SNX25: variants seen among roughly 807,000 people sequenced by gnomAD.
SNX25 encodes sorting nexin-25.
A neutral mutation model predicts 113.7 loss-of-function variants in SNX25; 62 were observed. The ratio of observed to expected loss-of-function variants is 0.55; its 90% confidence interval spans 0.44 to 0.67. SNX25 has a LOEUF of 0.67. Ranked by LOEUF, SNX25 falls within the 30% of genes least tolerant of loss-of-function variation. SNX25 has a pLI of 0.00. For missense variants in SNX25, 1,014 were observed against 1,161.0 expected (o/e 0.87, Z 1.84); for synonymous variants, 421 against 436.2 (o/e 0.97, Z 0.43).
chr4:185,324,625 A>G (rs1467310509), intron 9 of SNX25, among the ~76,000 whole-genome samples: 1 of 151,970 alleles, frequency 6.6e-6, no homozygotes, highest in African/African-American at 2.4e-5. Context: ...GGAGGGATTT[A>G]TCTTAGGGTT....
intron 1 of SNX25, among the ~76,000 whole-genome samples, chr4:185,237,924 G>A (rs912997413): frequency 3.3e-5 from 5 of 151,562 alleles, no homozygotes; most frequent in African/African-American, 4.9e-5. Flanking sequence ...TTAGCCGGGC[G>A]TGGTGGCACG....
chr4:185,235,844 C>A (rs1275289750), intron 1 of SNX25, among the ~76,000 whole-genome samples: 1 of 152,186 alleles, frequency 6.6e-6, no homozygotes, highest in East Asian at 1.9e-4. Flanking sequence ...GTCCTGCAGA[C>A]CCTGGCTGAG....
chr4:185,222,507 A>T, intron 1 of SNX25, among the ~76,000 whole-genome samples: 1 of 151,398 alleles, frequency 6.6e-6, no homozygotes, highest in Non-Finnish European at 1.5e-5. Flanking sequence ...AGCGCCGTAT[A>T]CCCCTCCCTC....
At position 185,267,054 on chromosome 4, in the gene SNX25, G is replaced by T. The variant is rs527841478; in HGVS notation, c.990G>T (p.Met330Ile). The part of the protein sequence containing the change: ...LLAQLAYREQ[M>I]NEHHKRAYTY... The stretch of plus-strand genomic sequence containing the variant: ...CCCAGCTGGCGTACAGAGAGCAAAT[G>T]AATGAGCATCACAAGAGAGCCTACA... Residue 330 changes from methionine to isoleucine, a missense_variant, in exon 5 of 19, where the codon ATG becomes ATT. Met to Ile is a conservative substitution (Grantham distance 10). Coordinates refer to ENST00000652585, the MANE Select transcript of SNX25 (RefSeq NM_001378034.2). 1 of 1,613,860 alleles carries T rather than the reference G, an allele frequency of 6.2e-7. No homozygotes were observed.
Position 185,342,020 on chromosome 4 carries a change from G to A in SNX25, c.2091G>A (p.Met697Ile). The change falls in exon 12 of 19, where the codon ATG becomes ATA. Residue 697 changes from methionine (M) to isoleucine (I), a missense_variant. Physicochemically the swap from Met to Ile is conservative, Grantham distance 10. Coordinates refer to ENST00000652585, the MANE Select transcript of SNX25 (RefSeq NM_001378034.2). ...NGEQLPCYFV[M>I]VSLQEVGGVE... ...AGCAATTGCCATGTTACTTTGTCAT[G>A]GTAAGCCTACAAGAAGTTGGAGGAG... 2 of 1,610,704 alleles carry A rather than the reference G, an allele frequency of 1.2e-6. No homozygotes were observed. Among genetic ancestry groups the A allele is most frequent in the Non-Finnish European group, 1.7e-6 (2 of 1,178,676 alleles).
intron 1 of SNX25, among the ~76,000 whole-genome samples, chr4:185,221,247 G>C (rs1739795894): frequency 6.6e-6 from 1 of 151,942 alleles, no homozygotes; most frequent in South Asian, 2.1e-4. Context: ...TGCCCAGCCT[G>C]GTCTTGAACT....
intron 13 of SNX25, among the ~76,000 whole-genome samples, chr4:185,348,158 T>G (rs1333426852): frequency 6.6e-6 from 1 of 152,208 alleles, no homozygotes; most frequent in Admixed American, 6.5e-5. Flanking sequence ...TGCTGCACCA[T>G]CTATATTCAG....
intron 13 of SNX25, among the ~76,000 whole-genome samples, chr4:185,348,808 C>T (rs2095301002): frequency 6.6e-6 from 1 of 152,122 alleles, no homozygotes; most frequent in Non-Finnish European, 1.5e-5. Context: ...AACAGAACAC[C>T]AGAACTTTTT....
chr4:185,339,600 G>A, intron 11 of SNX25, 90 bp downstream of exon 11: 3 of 1,465,600 alleles, frequency 2.0e-6, no homozygotes, highest in South Asian at 1.3e-5. Flanking sequence ...ATTGAGGGTA[G>A]AAAACTTACA....
At chr4:185,214,421 A>C (rs2111484466) in intron 1 of SNX25, among the ~76,000 whole-genome samples, 1 of 151,584 alleles carries the variant, frequency 6.6e-6, no homozygotes, top group East Asian at 1.9e-4. Context: ...AAGAAAAAAA[A>C]TATTAGCTGG....
At chr4:185,375,494 A>ATATATATG in the SNX25 span, 2 of 58,546 alleles carry the variant, frequency 3.4e-5, no homozygotes, top group Non-Finnish European at 5.5e-5. Context: ...AAAAATATAT[A>ATATATATG]TATATATATA....
intron 1 of SNX25, among the ~76,000 whole-genome samples, chr4:185,224,567 AAG>A: frequency 2.6e-5 from 3 of 117,106 alleles, no homozygotes; most frequent in Non-Finnish European, 5.9e-5. Flanking sequence ...AAATATATAT[AAG>A]TGTATATAAA....
At chr4:185,346,398 A>G (rs1469499113) in intron 12 of SNX25, 139 bp from the exon 13 acceptor site, 2 of 639,784 alleles carry the variant, frequency 3.1e-6, no homozygotes, top group East Asian at 3.2e-5. Context: ...TTCGAGCCTC[A>G]TTAAGATGGG....
At position 185,323,614 on chromosome 4, in the gene SNX25, A is replaced by G; in HGVS notation, c.1563A>G (p.Lys521=). The change falls in exon 9 of 19, where the codon AAA becomes AAG. Residue 521 remains lysine (K), a synonymous_variant. Coordinates refer to ENST00000652585, the MANE Select transcript of SNX25 (RefSeq NM_001378034.2). The part of the protein sequence containing the change: ...KEISVEKSLY[K]EIQQCLVGNK... ...TATCTGTGGAAAAATCACTTTACAA[A>G]GAAATTCAGCAGTGTCTTGTAGGAA... 1 of 1,613,624 alleles carries G rather than the reference A, an allele frequency of 6.2e-7. No homozygotes were observed. The highest frequency in any genetic ancestry group is 8.5e-7 in the Non-Finnish European group (1 of 1,179,700).
chr4:185,242,840 T>C (rs1744274855), intron 1 of SNX25, among the ~76,000 whole-genome samples: 1 of 152,142 alleles, frequency 6.6e-6, no homozygotes, highest in Non-Finnish European at 1.5e-5. Context: ...CAAAAGACTG[T>C]AACAAGGGCT....
chr4:185,267,091 T>C lies in SNX25; in HGVS notation c.1027T>C (p.Ser343Pro). The C allele has an allele frequency of 6.2e-7, 1 of 1,613,956 alleles. No homozygotes were observed. Among genetic ancestry groups the C allele is most frequent in the Non-Finnish European group, 8.5e-7 (1 of 1,179,952 alleles). Residue 343 changes from serine to proline, a missense_variant, in exon 5 of 19, where the codon TCT becomes CCT. By Grantham distance (74) the Ser-to-Pro change is moderately conservative. Coordinates refer to ENST00000652585, the MANE Select transcript of SNX25 (RefSeq NM_001378034.2). ...HHKRAYTYAP[S>P]YEDFIKLINS... is the part of the protein sequence containing the mutation. ...CAAGAGAGCCTACACCTATGCCCCC[T>C]CTTACGAGGACTTCATCAAGCTCAT... is the stretch of plus-strand genomic sequence containing the variant.
At chr4:185,306,377 A>G (rs762476908) in intron 6 of SNX25, among the ~76,000 whole-genome samples, 3 of 152,260 alleles carry the variant, frequency 2.0e-5, no homozygotes, top group Non-Finnish European at 4.4e-5. Flanking sequence ...ATGGCCCATT[A>G]TCAAACAGAA....
chr4:185,271,027 A>G (rs142024293), intron 5 of SNX25, among the ~76,000 whole-genome samples: 2 of 152,310 alleles, frequency 1.3e-5, no homozygotes, highest in East Asian at 3.9e-4. Flanking sequence ...TGAGAGTAAA[A>G]TAAAATGTTG....
At chr4:185,347,057 CATT>C (rs761485738) in intron 13 of SNX25, among the ~76,000 whole-genome samples, 31 of 152,190 alleles carry the variant, frequency 2.0e-4, no homozygotes, top group Non-Finnish European at 4.0e-4. Flanking sequence ...TTCTTTCACT[CATT>C]ATGTTCATAG....
Sources: gnomAD v4.1 joint callset for allele counts (sites outside exome capture counted in the v4.1 genomes callset) on GRCh38, gnomAD v4.1.1 for gene constraint, MANE v1.5 for transcripts, NCBI Gene and HGNC (gene_info 2026-07-23, HGNC 2026-07-21) for gene names.